Variants in ATXN7L1 observed in about 807,000 individuals in gnomAD.
ATXN7L1 encodes the protein ataxin 7 like 1, also known as ataxin-7-like protein 1.
Under a neutral mutation model 70.8 loss-of-function variants are expected in ATXN7L1, and 15 were observed. The ratio of observed to expected loss-of-function variants is 0.21; its 90% CI spans 0.14 to 0.33. The LOEUF (loss-of-function observed/expected upper bound fraction) is 0.33, where lower values mean the gene tolerates loss of function less well. ATXN7L1 is among the 10% of genes least tolerant of loss of function. The pLI is 1.00. For missense variants in ATXN7L1, 975 were observed against 1,097.1 expected (o/e 0.89, Z 1.57); for synonymous variants, 440 against 445.1 (o/e 0.99, Z 0.14).
At chr7:105,790,644 A>G (rs987887583) in intron 2 of ATXN7L1, among the ~76,000 whole-genome samples, 4 of 87,412 alleles carry the variant, frequency 4.6e-5, no homozygotes, top group Non-Finnish European at 7.3e-5. Context: ...CTATCTATCT[A>G]TCTATCTATC....
At chr7:105,642,529 A>G (rs1179454508) in intron 5 of ATXN7L1, among the ~76,000 whole-genome samples, 1 of 152,236 alleles carries the variant, frequency 6.6e-6, no homozygotes, top group Non-Finnish European at 1.5e-5. Flanking sequence ...ATACAGATAC[A>G]CAGAATCACC....
At chr7:105,655,685 C>A (rs545679321) in intron 4 of ATXN7L1, among the ~76,000 whole-genome samples, 1 of 152,192 alleles carries the variant, frequency 6.6e-6, no homozygotes, top group African/African-American at 2.4e-5. Flanking sequence ...AGAGATAAGC[C>A]GCCCAGTTTC....
Position 105,761,419 on chromosome 7 carries a change from C to G in ATXN7L1, c.355+27185G>C, listed in dbSNP as rs776856078. The G allele has an allele frequency of 3.1e-6, 5 of 1,614,168 alleles. No homozygotes were observed. The South Asian group carries it at 4.4e-5, about 14-fold the overall frequency. ...TCTATGGCTTGGCTGCTCTCTGGTC[C>G]ACTCCTGGAGATGCCTTCATTTCTC... is the stretch of plus-strand genomic sequence containing the variant. On this transcript the variant is annotated intron_variant, in intron 3 of 11. Transcript: ENST00000419735.
intron 7 of ATXN7L1, among the ~76,000 whole-genome samples, chr7:105,637,448 C>T (rs1035941962): frequency 3.9e-5 from 6 of 152,172 alleles, no homozygotes; most frequent in Non-Finnish European, 8.8e-5. Flanking sequence ...TTAATGTTTC[C>T]TTTTTATAAA....
At chr7:105,752,835 G>A (rs915495609) in intron 3 of ATXN7L1, among the ~76,000 whole-genome samples, 5 of 152,088 alleles carry the variant, frequency 3.3e-5, no homozygotes, top group South Asian at 4.1e-4. Flanking sequence ...CACAGTGGCC[G>A]CACCCTGAAC....
intron 2 of ATXN7L1, among the ~76,000 whole-genome samples, chr7:105,840,082 G>A (rs1399728848): frequency 1.3e-5 from 2 of 152,208 alleles, no homozygotes; most frequent in African/African-American, 4.8e-5. Flanking sequence ...GGTCTGTGGA[G>A]AGCACAGGGA....
intron 3 of ATXN7L1, among the ~76,000 whole-genome samples, chr7:105,705,681 C>T (rs926967465): frequency 6.6e-6 from 1 of 152,148 alleles, no homozygotes; most frequent in African/African-American, 2.4e-5. Context: ...GCCTCTGTGG[C>T]TTGGTGCACA....
intron 7 of ATXN7L1, 93 bp downstream of exon 7, chr7:105,638,260 C>T (rs1797672621): frequency 7.1e-7 from 1 of 1,408,376 alleles, no homozygotes. Context: ...TTATGATTTC[C>T]ATTTAACATA....
chr7:105,625,276 A>C (rs1348648445), intron 7 of ATXN7L1, among the ~76,000 whole-genome samples: 1 of 152,068 alleles, frequency 6.6e-6, no homozygotes, highest in Non-Finnish European at 1.5e-5. Flanking sequence ...TTTACGAAAC[A>C]CTCTCACTCT....
intron 2 of ATXN7L1, among the ~76,000 whole-genome samples, chr7:105,851,312 G>T (rs1434457524): frequency 6.6e-6 from 1 of 152,168 alleles, no homozygotes; most frequent in African/African-American, 2.4e-5. Flanking sequence ...GTTAGCTAAG[G>T]TCTGACTGCA....
At chr7:105,726,457 T>A (rs948617658) in intron 3 of ATXN7L1, among the ~76,000 whole-genome samples, 4 of 152,120 alleles carry the variant, frequency 2.6e-5, no homozygotes, top group African/African-American at 9.7e-5. Context: ...GCAGAGAGTC[T>A]GAGGTGATGG....
At chr7:105,736,099 C>T (rs953016895) in intron 3 of ATXN7L1, among the ~76,000 whole-genome samples, 6 of 152,122 alleles carry the variant, frequency 3.9e-5, no homozygotes, top group African/African-American at 1.4e-4. Flanking sequence ...TCAGGGAACA[C>T]CAACCACTGG....
intron 2 of ATXN7L1, among the ~76,000 whole-genome samples, chr7:105,848,452 C>T (rs1005826665): frequency 3.9e-5 from 6 of 151,970 alleles, no homozygotes; most frequent in Admixed American, 1.3e-4. Flanking sequence ...CATTTGATTG[C>T]AATATTATTT....
chr7:105,717,113 A>G (rs1198056494), intron 3 of ATXN7L1, among the ~76,000 whole-genome samples: 1 of 151,930 alleles, frequency 6.6e-6, no homozygotes, highest in East Asian at 1.9e-4. Context: ...CATTATAAAC[A>G]TTTTTTCATG....
intron 3 of ATXN7L1, among the ~76,000 whole-genome samples, chr7:105,786,832 G>A (rs1200968839): frequency 5.3e-5 from 8 of 152,130 alleles, no homozygotes. Context: ...AAGTTTTGAT[G>A]GCTTACAATA....
chr7:105,845,127 C>A (rs947241496), intron 2 of ATXN7L1, among the ~76,000 whole-genome samples: 1 of 136,550 alleles, frequency 7.3e-6, no homozygotes, highest in Admixed American at 8.3e-5. Flanking sequence ...ATTGCTTGAA[C>A]CTGGGAGGCG....
intron 3 of ATXN7L1, among the ~76,000 whole-genome samples, chr7:105,693,323 C>T (rs1791260454): frequency 6.6e-6 from 1 of 152,134 alleles, no homozygotes; most frequent in Non-Finnish European, 1.5e-5. Flanking sequence ...TCCCAAGTAG[C>T]TGGGACTATA....
chr7:105,690,718 C>T (rs939467631), intron 3 of ATXN7L1, among the ~76,000 whole-genome samples: 8 of 152,162 alleles, frequency 5.3e-5, no homozygotes, highest in African/African-American at 9.7e-5. Context: ...ATTCCAAGAG[C>T]GGCAGACTCA....
At chr7:105,704,584 C>CTTTTT (rs11329205) in intron 3 of ATXN7L1, among the ~76,000 whole-genome samples, 1 of 89,490 alleles carries the variant, frequency 1.1e-5, no homozygotes, top group Non-Finnish European at 2.2e-5. Flanking sequence ...GGTTTTATCT[C>CTTTTT]TTTTTTTTTT....
Sources: gnomAD v4.1 joint callset for allele counts (sites outside exome capture counted in the v4.1 genomes callset) on GRCh38, gnomAD v4.1.1 for gene constraint, MANE v1.5 for transcripts, NCBI Gene and HGNC (gene_info 2026-07-23, HGNC 2026-07-21) for gene names.